SEC22C: variants seen among roughly 807,000 people sequenced by gnomAD.
SEC22C encodes vesicle-trafficking protein SEC22c.
In SEC22C, 29 loss-of-function variants were observed where a neutral mutation model predicts 34.7. The observed-to-expected ratio is 0.84, with a 90% confidence interval of 0.62 to 1.14. The LOEUF (loss-of-function observed/expected upper bound fraction) is 1.14, where lower values mean the gene tolerates loss of function less well. Ranked by LOEUF, SEC22C falls within the 50% of genes most tolerant of loss-of-function variation. The pLI is 0.00. For synonymous variants in SEC22C, 117 were observed against 132.8 expected (o/e 0.88, Z 0.82); for missense variants, 337 against 369.0 (o/e 0.91, Z 0.71).
rs1435251152 is a variant in SEC22C, at chr3:42,548,730, A to T, written c.*4518T>A. 7.5e-6 allele frequency: 12 copies of T among 1,609,118 alleles called. No homozygotes were observed. Among genetic ancestry groups the T allele is most frequent in the Non-Finnish European group, 9.3e-6 (11 of 1,176,506 alleles). On this transcript the variant is annotated 3_prime_UTR_variant, in exon 7 of 7. Transcript: ENST00000264454. ...AGTGAAAGGCAGGTCCAGGGTGGGA[A>T]GAAGAGGGGCTGCTACCTTTTGGAG...
intron 1 of SEC22C, among the ~76,000 whole-genome samples, chr3:42,579,075 C>T (rs893596671): frequency 3.3e-5 from 5 of 151,888 alleles, no homozygotes; most frequent in African/African-American, 9.7e-5. Context: ...GTCGGGAGTT[C>T]GAGAACAGCC....
intron 1 of SEC22C, chr3:42,590,711 G>T: frequency 3.0e-6 from 2 of 663,478 alleles, no homozygotes. Context: ...ATACGAAAAC[G>T]CCCCCGGCGT....
chr3:42,601,033 C>T (rs774903594), exon 1 of SEC22C: 1 of 1,582,744 alleles, frequency 6.3e-7, no homozygotes. Flanking sequence ...GGCCGCAGTG[C>T]CACTTCGACA....
At chr3:42,563,840 C>A (rs1386003986) in intron 2 of SEC22C, 154 bp from the exon 3 acceptor site, 6 of 1,519,582 alleles carry the variant, frequency 3.9e-6, no homozygotes, top group Admixed American at 2.0e-5. Flanking sequence ...TCAGTTCGAC[C>A]TATTCCTGAG....
intron 2 of SEC22C, among the ~76,000 whole-genome samples, chr3:42,565,409 G>A (rs1703175049): frequency 1.3e-5 from 2 of 152,154 alleles, no homozygotes; most frequent in Non-Finnish European, 2.9e-5. Context: ...GAAGGGTCTA[G>A]GCCACTCTAG....
intron 1 of SEC22C, among the ~76,000 whole-genome samples, chr3:42,574,691 T>G (rs371967435): frequency 3.9e-5 from 6 of 152,190 alleles, no homozygotes; most frequent in African/African-American, 1.4e-4. Flanking sequence ...AGTTTCTACA[T>G]TTCATTTGAA....
chr3:42,590,918 G>C (rs777148332), intron 1 of SEC22C: 15 of 1,613,206 alleles, frequency 9.3e-6, no homozygotes, highest in Non-Finnish European at 1.2e-5. Flanking sequence ...CCTTCGTACC[G>C]GACTGGCTGA....
At chr3:42,600,020 C>A (rs1482042189) in intron 1 of SEC22C, among the ~76,000 whole-genome samples, 1 of 152,200 alleles carries the variant, frequency 6.6e-6, no homozygotes, top group Non-Finnish European at 1.5e-5. Context: ...AAAGACTTCG[C>A]AATCATTTAT....
intron 2 of SEC22C, among the ~76,000 whole-genome samples, chr3:42,566,213 C>T (rs922574809): frequency 3.3e-5 from 5 of 152,170 alleles, no homozygotes; most frequent in African/African-American, 9.7e-5. Flanking sequence ...GCCCACATCA[C>T]CAGGTGACAG....
At chr3:42,574,363 CAAAAA>C (rs202174342) in intron 1 of SEC22C, among the ~76,000 whole-genome samples, 1 of 87,892 alleles carries the variant, frequency 1.1e-5, no homozygotes, top group African/African-American at 4.2e-5. Context: ...GACCCTGTCT[CAAAAA>C]AAAAAAAAAA....
At position 42,557,809 on chromosome 3, in the gene SEC22C, T is replaced by G. The variant is rs1300073992; in HGVS notation, c.527-113A>C. ...AATGATAGGTTCACTATGTTAAACA[T>G]AGAATTACAAACATATTAATTGTAA... On this transcript the variant is annotated intron_variant, in intron 4 of 6. Transcript: ENST00000264454. 5.6e-6 allele frequency: 3 copies of G among 538,036 alleles called. No individual in the cohort carries two copies. In the Admixed American group the frequency reaches 9.7e-5, roughly 17 times the overall value. 33.3% of individuals were successfully genotyped at this position (538,036 alleles called of 1,614,324 possible).
intron 1 of SEC22C, among the ~76,000 whole-genome samples, chr3:42,580,162 C>G (rs960291534): frequency 6.6e-6 from 1 of 152,124 alleles, no homozygotes; most frequent in Non-Finnish European, 1.5e-5. Flanking sequence ...TACCCTTGAT[C>G]CTGTTTTTTC....
At chr3:42,584,831 G>A (rs528322444), upstream of SEC22C, among the ~76,000 whole-genome samples, 1 of 152,230 alleles carries the variant, frequency 6.6e-6, no homozygotes, top group East Asian at 1.9e-4. Flanking sequence ...TAGCATAAGT[G>A]CTCTTCAAAT....
At chr3:42,600,248 CAGT>C (rs997571013) in intron 1 of SEC22C, among the ~76,000 whole-genome samples, 4 of 152,170 alleles carry the variant, frequency 2.6e-5, no homozygotes, top group Non-Finnish European at 5.9e-5. Context: ...AAAGACCTAA[CAGT>C]AGGACACGGA....
At chr3:42,582,342 CG>C (rs1370755235), upstream of SEC22C, 2 of 152,344 alleles carry the variant, frequency 1.3e-5, no homozygotes, top group Non-Finnish European at 2.9e-5. Context: ...ACGCCCGGGG[CG>C]TATGTTCTGC....
chr3:42,570,406 G>C (rs1703544801), intron 1 of SEC22C, among the ~76,000 whole-genome samples: 1 of 151,978 alleles, frequency 6.6e-6, no homozygotes, highest in Non-Finnish European at 1.5e-5. Flanking sequence ...CAAAATATAA[G>C]TTCTAAGAAT....
At chr3:42,555,754 G>GA (rs1437383834) in intron 6 of SEC22C, among the ~76,000 whole-genome samples, 176 bp downstream of exon 6, 3 of 152,216 alleles carry the variant, frequency 2.0e-5, no homozygotes, top group African/African-American at 7.2e-5. Flanking sequence ...TCTGTAAAAT[G>GA]AGAGGACTGG....
In SEC22C at chr3:42,551,580, C is replaced by T. The variant is rs1300206479; in HGVS notation, c.*1668G>A. 1 of 650,542 alleles carries T rather than the reference C, an allele frequency of 1.5e-6. No individual in the cohort carries two copies. The highest frequency in any genetic ancestry group is 2.0e-5 in the African/African-American group (1 of 50,584). 40.3% of individuals were successfully genotyped at this position (650,542 alleles called of 1,614,324 possible). On this transcript the variant is annotated 3_prime_UTR_variant, in exon 7 of 7. Coordinates refer to ENST00000264454, the MANE Select transcript of SEC22C (RefSeq NM_032970.4). ...CTCAAACTACTGGCCTCAACCGAGTCTCCTGCTTTGGCCTTCCAAAGTGCT... is the reference window on the plus strand; with the variant it reads ...CTCAAACTACTGGCCTCAACCGAGTTTCCTGCTTTGGCCTTCCAAAGTGCT...
At position 42,550,961 on chromosome 3, in the gene SEC22C, C is replaced by T. The variant is rs200555805; in HGVS notation, c.*2287G>A. ...TCGGCTCACTGCAACCTCCACCTCC[C>T]GGGTTCAAGAGATTCTCCTGCCTCA... On this transcript the variant is annotated 3_prime_UTR_variant, in exon 7 of 7. Transcript: ENST00000264454. The T allele has an allele frequency of 3.5e-4, 272 of 775,146 alleles. No individual in the cohort carries two copies. The Middle Eastern group carries it at 4.7e-3, about 13-fold the overall frequency. The allele number at this position is 775,146 out of a possible 1,614,324, so 48.0% of individuals were successfully genotyped here.
Sources: gnomAD v4.1 joint callset for allele counts (sites outside exome capture counted in the v4.1 genomes callset) on GRCh38, gnomAD v4.1.1 for gene constraint, MANE v1.5 for transcripts, NCBI Gene and HGNC (gene_info 2026-07-23, HGNC 2026-07-21) for gene names.